The following ZBTB20 variants were observed in gnomAD, a reference collection of about 807,000 sequenced individuals.
ZBTB20 encodes the protein zinc finger and BTB domain-containing protein 20.
ZBTB20 carries 9 observed loss-of-function variants against 56.9 expected under a neutral mutation model. That is an observed-to-expected ratio of 0.16 (90% CI 0.10 to 0.28). The LOEUF is 0.28. Ranked by LOEUF, ZBTB20 falls within the 10% of genes least tolerant of loss-of-function variation. ZBTB20 has a pLI of 1.00. For missense variants in ZBTB20, 655 were observed against 1,003.0 expected (o/e 0.65, Z 4.69); for synonymous variants, 417 against 420.7 (o/e 0.99, Z 0.11).
At chr3:115,008,366 T>C (rs2079559874) in intron 2 of ZBTB20, among the ~76,000 whole-genome samples, 1 of 151,898 alleles carries the variant, frequency 6.6e-6, no homozygotes, top group African/African-American at 2.4e-5. Flanking sequence ...CTGTAATCTG[T>C]ATGCTGAGGG....
chr3:114,501,993 C>A (rs897443388), intron 6 of ZBTB20, among the ~76,000 whole-genome samples: 2 of 152,008 alleles, frequency 1.3e-5, no homozygotes, highest in Non-Finnish European at 2.9e-5. Context: ...CAAGTGTGAG[C>A]CACCGTGCCC....
chr3:114,556,499 G>A (rs117459497), intron 6 of ZBTB20, among the ~76,000 whole-genome samples: 7 of 152,078 alleles, frequency 4.6e-5, no homozygotes, highest in East Asian at 1.9e-4. Flanking sequence ...TGATCTTCCC[G>A]TGGAAATTGT....
At chr3:114,873,673 C>G (rs2076091156) in intron 4 of ZBTB20, among the ~76,000 whole-genome samples, 1 of 151,962 alleles carries the variant, frequency 6.6e-6, no homozygotes, top group South Asian at 2.1e-4. Context: ...TCATCTTTGT[C>G]TTAGTTTTGG....
At chr3:114,648,507 A>C (rs2059965726) in intron 6 of ZBTB20, among the ~76,000 whole-genome samples, 1 of 152,022 alleles carries the variant, frequency 6.6e-6, no homozygotes, top group Non-Finnish European at 1.5e-5. Context: ...AAATTTAGAA[A>C]GTGTCATTCA....
intron 6 of ZBTB20, among the ~76,000 whole-genome samples, chr3:114,546,442 C>A (rs1482412208): frequency 1.3e-5 from 2 of 152,100 alleles, no homozygotes. Context: ...AATCAAACAC[C>A]CAGGAGGAGT....
chr3:114,779,492 A>G lies in ZBTB20; in HGVS notation c.-343+21609T>C, dbSNP rs576403411. On this transcript the variant is annotated intron_variant, in intron 5 of 11. Transcript: ENST00000675478. ...TCACGGCACCGAAGAATGGGTGGCCAGGATCAGTGCAGATTGGTTCATTTG... is the reference window on the plus strand; with the variant it reads ...TCACGGCACCGAAGAATGGGTGGCCGGGATCAGTGCAGATTGGTTCATTTG... 2.0e-3 allele frequency among the ~76,000 whole-genome samples: 310 copies of G among 152,320 alleles called. 1 individual carries two copies. Among genetic ancestry groups the G allele is most frequent in the African/African-American group, 7.0e-3 (291 of 41,576 alleles).
At chr3:114,547,795 A>G (rs1256657130) in intron 6 of ZBTB20, among the ~76,000 whole-genome samples, 1 of 152,248 alleles carries the variant, frequency 6.6e-6, no homozygotes, top group African/African-American at 2.4e-5. Context: ...GGTTTACAAT[A>G]AGAAAACATA....
chr3:114,953,003 T>C (rs528097781), intron 3 of ZBTB20, among the ~76,000 whole-genome samples: 1 of 152,196 alleles, frequency 6.6e-6, no homozygotes, highest in East Asian at 1.9e-4. Context: ...TTTGACAATT[T>C]AATGCAAAAT....
At chr3:114,673,250 T>A (rs1185603829) in intron 6 of ZBTB20, among the ~76,000 whole-genome samples, 2 of 152,010 alleles carry the variant, frequency 1.3e-5, no homozygotes, top group African/African-American at 4.8e-5. Flanking sequence ...GCAGGTTCAC[T>A]GGGGGTTGGG....
intron 3 of ZBTB20, among the ~76,000 whole-genome samples, chr3:114,912,238 T>C (rs1301955961): frequency 2.0e-5 from 3 of 147,446 alleles, no homozygotes; most frequent in African/African-American, 7.5e-5. Context: ...CTGAGGGAGG[T>C]CATCACAAGA....
At chr3:114,607,089 C>T (rs2057222432) in intron 6 of ZBTB20, among the ~76,000 whole-genome samples, 1 of 149,958 alleles carries the variant, frequency 6.7e-6, no homozygotes, top group South Asian at 2.2e-4. Context: ...CACAGTGAGA[C>T]TCAATCTCAA....
At chr3:115,005,001 G>C (rs2079405200) in intron 2 of ZBTB20, among the ~76,000 whole-genome samples, 1 of 151,628 alleles carries the variant, frequency 6.6e-6, no homozygotes, top group Admixed American at 6.6e-5. Context: ...TTATGTGTGT[G>C]TATGAGTGTG....
chr3:114,723,775 C>T (rs2065076245), intron 5 of ZBTB20, among the ~76,000 whole-genome samples: 1 of 152,200 alleles, frequency 6.6e-6, no homozygotes, highest in African/African-American at 2.4e-5. Flanking sequence ...AGAAATTAGC[C>T]TCACATTATT....
At chr3:115,075,531 G>A (rs1363195901) in intron 1 of ZBTB20, among the ~76,000 whole-genome samples, 1 of 151,974 alleles carries the variant, frequency 6.6e-6, no homozygotes, top group South Asian at 2.1e-4. Flanking sequence ...ATCCATAGAA[G>A]GACATTTAGG....
At chr3:115,113,796 A>G (rs2083946457) in intron 1 of ZBTB20, among the ~76,000 whole-genome samples, 1 of 152,166 alleles carries the variant, frequency 6.6e-6, no homozygotes, top group Non-Finnish European at 1.5e-5. Flanking sequence ...CATAATACTT[A>G]TAGGCTCTGG....
intron 7 of ZBTB20, among the ~76,000 whole-genome samples, chr3:114,448,917 G>C (rs2091435052): frequency 6.6e-6 from 1 of 152,088 alleles, no homozygotes; most frequent in Non-Finnish European, 1.5e-5. Context: ...TAACTGTAAA[G>C]TGGATTCATG....
At chr3:114,889,798 C>G (rs2076736628) in intron 4 of ZBTB20, among the ~76,000 whole-genome samples, 1 of 151,986 alleles carries the variant, frequency 6.6e-6, no homozygotes, top group African/African-American at 2.4e-5. Flanking sequence ...GTATAATGCT[C>G]TACTCAAGGT....
At chr3:114,728,436 G>A (rs951639152) in intron 5 of ZBTB20, among the ~76,000 whole-genome samples, 3 of 152,178 alleles carry the variant, frequency 2.0e-5, no homozygotes, top group African/African-American at 7.2e-5. Flanking sequence ...GACCTGGAAA[G>A]AAGTCCAAAT....
At chr3:114,667,192 C>T (rs889621157) in intron 6 of ZBTB20, among the ~76,000 whole-genome samples, 1 of 151,946 alleles carries the variant, frequency 6.6e-6, no homozygotes, top group Non-Finnish European at 1.5e-5. Context: ...CCATGCTTAG[C>T]GTTCCAATAA....
Sources: gnomAD v4.1 joint callset for allele counts (sites outside exome capture counted in the v4.1 genomes callset) on GRCh38, gnomAD v4.1.1 for gene constraint, MANE v1.5 for transcripts, NCBI Gene and HGNC (gene_info 2026-07-23, HGNC 2026-07-21) for gene names.